Variants in RBFA observed in about 807,000 individuals in gnomAD.
The protein encoded by RBFA is putative ribosome-binding factor A, mitochondrial.
In RBFA, 16 loss-of-function variants were observed where a neutral mutation model predicts 27.9. The observed-to-expected ratio is 0.57, with a 90% confidence interval of 0.39 to 0.87. RBFA has a LOEUF of 0.87. Among genes scored for constraint, RBFA ranks in the 40% least tolerant of loss-of-function variants. The pLI, the probability that RBFA is intolerant of heterozygous loss-of-function variation, is 0.00. For missense variants in RBFA, 456 were observed against 432.1 expected (o/e 1.06, Z -0.49); for synonymous variants, 181 against 181.0 (o/e 1.00, Z 0.00).
intron 4 of RBFA, chr18:80,041,795 T>C (rs11665397): frequency 0.47 from 72,152 of 153,298 alleles, 17,825 homozygotes; most frequent in East Asian, 0.77. Context: ...GGCACTATCT[T>C]GGCTCACTGC....
chr18:80,044,110 C>T, intron 5 of RBFA, 102 bp from the exon 6 acceptor site: 1 of 960,846 alleles, frequency 1.0e-6, no homozygotes, highest in East Asian at 2.4e-5. Context: ...AAAGTCTGAT[C>T]AAAAGCTCTG....
intron 4 of RBFA, among the ~76,000 whole-genome samples, chr18:80,039,182 G>GC: frequency 6.6e-6 from 1 of 152,276 alleles, no homozygotes; most frequent in South Asian, 2.1e-4. Context: ...AGGCACAGTG[G>GC]CAGCACACGC....
Position 80,046,734 on chromosome 18 carries a change from G to GA in RBFA, c.*582dup, listed in dbSNP as rs1478809434. On this transcript the variant is annotated 3_prime_UTR_variant, in exon 7 of 7. Transcript: ENST00000306735. ...TTCTGGTTCAGGCCAAGGTTGGGCA[G>GA]AAAGTGAGTTGGGTTTGCTGGGGCT... Among the ~76,000 whole-genome samples, 3 of 152,264 alleles carry GA rather than the reference G, an allele frequency of 2.0e-5. No individual in the cohort carries two copies. Among genetic ancestry groups the GA allele is most frequent in the African/African-American group, 7.2e-5 (3 of 41,484 alleles).
chr18:80,036,993 C>G (rs918326029), intron 2 of RBFA, among the ~76,000 whole-genome samples: 7 of 152,190 alleles, frequency 4.6e-5, no homozygotes, highest in Admixed American at 1.3e-4. Context: ...CAATATATGG[C>G]TCCCATTCTG....
In RBFA at chr18:80,046,116, A is replaced by T. The variant is rs1295711907; in HGVS notation, c.993A>T (p.Arg331Ser). The change falls in exon 7 of 7, where the codon AGA (arginine) becomes AGT (serine). Residue 331 changes from arginine to serine, a missense_variant. Coordinates refer to ENST00000306735, the MANE Select transcript of RBFA (RefSeq NM_024805.3). ...TGGAGGCAGAGAGAGGAGGTGGCAG[A>T]ACAGAGGATGGCCACAGCTGCGGAG... Reference protein sequence around the residue: ...EELEAERGGGRTEDGHSCGAS... With the variant: ...EELEAERGGGSTEDGHSCGAS... The T allele has an allele frequency of 6.2e-7, 1 of 1,614,024 alleles. No individual in the cohort carries two copies. Among genetic ancestry groups the T allele is most frequent in the Non-Finnish European group, 8.5e-7 (1 of 1,180,030 alleles).
At position 80,045,870 on chromosome 18, in the gene RBFA, G is replaced by A; in HGVS notation, c.747G>A (p.Met249Ile). 1 of 1,602,964 alleles carries A rather than the reference G, an allele frequency of 6.2e-7. No homozygotes were observed. Among genetic ancestry groups the A allele is most frequent in the Non-Finnish European group, 8.5e-7 (1 of 1,174,582 alleles). Residue 249 changes from methionine (M) to isoleucine (I), a missense_variant, in exon 7 of 7, where the codon ATG (methionine) becomes ATA (isoleucine). Coordinates refer to ENST00000306735, the MANE Select transcript of RBFA (RefSeq NM_024805.3). ...IDHEALNKQI[M>I]EYKRRKDKGL... ...ATGAGGCGCTCAACAAGCAGATTAT[G>A]GAGTACAAAAGGAGGAAAGATAAAG...
intron 5 of RBFA, among the ~76,000 whole-genome samples, chr18:80,042,707 G>T (rs1472131384): frequency 6.6e-6 from 1 of 151,996 alleles, no homozygotes; most frequent in African/African-American, 2.4e-5. Flanking sequence ...GAAGGCGGAG[G>T]TTGCAGTGAG....
At chr18:80,035,378 C>T (rs2051970819) in intron 1 of RBFA, 1 of 152,386 alleles carries the variant, frequency 6.6e-6, no homozygotes, top group Admixed American at 6.5e-5. Context: ...GTCTTGTTTC[C>T]TTAGGCTGGG....
Position 80,046,323 on chromosome 18 carries a change from G to GA in RBFA, c.*168_*169insA. On this transcript the variant is annotated 3_prime_UTR_variant, in exon 7 of 7. Coordinates refer to ENST00000306735, the MANE Select transcript of RBFA (RefSeq NM_024805.3). ...AACACAATTTGCTACACAAGTCACT[G>GA]TTTTTTTTTCCATGCACTGTGTGTA... The GA allele has an allele frequency of 1.4e-6, 1 of 729,222 alleles. No homozygotes were observed. The highest frequency in any genetic ancestry group is 2.8e-5 in the East Asian group (1 of 35,162). 45.2% of individuals were successfully genotyped at this position (729,222 alleles called of 1,614,324 possible).
At chr18:80,040,283 T>A (rs1412211370) in intron 4 of RBFA, among the ~76,000 whole-genome samples, 1 of 129,948 alleles carries the variant, frequency 7.7e-6, no homozygotes, top group Admixed American at 9.6e-5. Context: ...AGGATCTCAT[T>A]CTGTCTCCCA....
intron 6 of RBFA, 95 bp downstream of exon 6, chr18:80,044,380 A>ACCACCATACTTACAGCCGGGCTCCAC: frequency 1.8e-6 from 2 of 1,089,222 alleles, no homozygotes; most frequent in African/African-American, 1.5e-5. Context: ...CCACATCCCG[A>ACCACCATACTTACAGCCGGGCTCCAC]GTAGCCTGCA....
At chr18:80,042,334 T>G in intron 5 of RBFA, 115 bp downstream of exon 5, 1 of 522,282 alleles carries the variant, frequency 1.9e-6, no homozygotes, top group Non-Finnish European at 3.1e-6. Flanking sequence ...AAGGGATCCT[T>G]CTGTCTCAGC....
At position 80,046,644 on chromosome 18, in the gene RBFA, G is replaced by A. The variant is rs1442791548; in HGVS notation, c.*489G>A. On this transcript the variant is annotated 3_prime_UTR_variant, in exon 7 of 7. Transcript: ENST00000306735. ...CTCCATCCCTGGGGCTGCTGGGTCG[G>A]CACGTGGCGCCGGGGGCTCCGTCCC... Among the ~76,000 whole-genome samples, 1 of 152,132 alleles carries A rather than the reference G, an allele frequency of 6.6e-6. No homozygotes were observed. Among genetic ancestry groups the A allele is most frequent in the Non-Finnish European group, 1.5e-5 (1 of 68,018 alleles).
At chr18:80,034,711 G>C (rs888586711) in intron 1 of RBFA, 58 bp downstream of exon 1, 264 of 1,581,484 alleles carry the variant, frequency 1.7e-4, no homozygotes, top group Middle Eastern at 1.7e-4. Flanking sequence ...CGGTGTCCCC[G>C]GGTTGCGGTG....
chr18:80,044,678 T>G (rs11663255), intron 6 of RBFA, among the ~76,000 whole-genome samples: 116,645 of 152,242 alleles, frequency 0.77, 45,366 homozygotes, highest in East Asian at 0.91. Context: ...AGATGGGTGT[T>G]AGGAGGGGAG....
chr18:80,038,421 G>A (rs957514244), intron 3 of RBFA, 84 bp from the exon 4 acceptor site: 2 of 923,448 alleles, frequency 2.2e-6, no homozygotes, highest in Admixed American at 2.2e-5. Flanking sequence ...GGCGTCTGCA[G>A]CTGTCGTTTT....
At chr18:80,037,118 T>C in intron 2 of RBFA, 1 of 489,530 alleles carries the variant, frequency 2.0e-6, no homozygotes. Context: ...AAATATTTAC[T>C]GGCAGTACTT....
At chr18:80,042,388 G>A (rs988601818) in intron 5 of RBFA, among the ~76,000 whole-genome samples, 169 bp downstream of exon 5, 13 of 152,182 alleles carry the variant, frequency 8.5e-5, no homozygotes, top group African/African-American at 3.1e-4. Context: ...ACCGGGCCCA[G>A]GTAATAATTA....
At chr18:80,035,297 C>G (rs1286489970) in intron 1 of RBFA, 1 of 152,452 alleles carries the variant, frequency 6.6e-6, no homozygotes, top group African/African-American at 2.4e-5. Flanking sequence ...ACTTTATTCA[C>G]TTTTCCTTGG....
Sources: gnomAD v4.1 joint callset for allele counts (sites outside exome capture counted in the v4.1 genomes callset) on GRCh38, gnomAD v4.1.1 for gene constraint, MANE v1.5 for transcripts, NCBI Gene and HGNC (gene_info 2026-07-23, HGNC 2026-07-21) for gene names.